The following PANK3 variants were observed in gnomAD, a reference collection of about 807,000 sequenced individuals.
The protein encoded by PANK3 is hPanK3.
Under a neutral mutation model 39.4 loss-of-function variants are expected in PANK3, and 20 were observed. That is an observed-to-expected ratio of 0.51 (90% CI 0.36 to 0.74). The LOEUF is 0.74. PANK3 is among the 30% of genes least tolerant of loss of function. The pLI is 0.00. For missense variants in PANK3, 265 were observed against 437.0 expected (o/e 0.61, Z 3.51); for synonymous variants, 140 against 157.3 (o/e 0.89, Z 0.82).
intron 2 of PANK3, among the ~76,000 whole-genome samples, chr5:168,566,667 A>G (rs1759540661): frequency 6.6e-6 from 1 of 152,322 alleles, no homozygotes; most frequent in Admixed American, 6.5e-5. Context: ...AGAGAATAAC[A>G]AAGTTATTTT....
intron 1 of PANK3, among the ~76,000 whole-genome samples, chr5:168,572,982 T>C (rs1759667560): frequency 6.6e-6 from 1 of 152,030 alleles, no homozygotes; most frequent in Non-Finnish European, 1.5e-5. Flanking sequence ...TTGTATAGAA[T>C]GATTGGTGAT....
rs1759266317 is a variant in PANK3 at position 168,551,055 on chromosome 5, T to G, written c.*6516A>C. On this transcript the variant is annotated 3_prime_UTR_variant, in exon 7 of 7. Coordinates refer to ENST00000239231, the MANE Select transcript of PANK3 (RefSeq NM_024594.4). ...GGGATGATTGATTTTCACACCACCA[T>G]TATCGTGAATGGGCTATCCAAATAC... 6.6e-6 allele frequency: 1 copy of G among 152,190 alleles called. No individual in the cohort carries two copies. The highest frequency in any genetic ancestry group is 1.5e-5 in the Non-Finnish European group (1 of 68,020). 9.4% of individuals were successfully genotyped at this position (152,190 alleles called of 1,614,324 possible).
rs1759230244 is a variant in PANK3 at position 168,548,704 on chromosome 5, G to C, written c.*8867C>G. The C allele has an allele frequency of 6.6e-6, 1 of 152,158 alleles. No homozygotes were observed. Among genetic ancestry groups the C allele is most frequent in the African/African-American group, 2.4e-5 (1 of 41,440 alleles). 9.4% of individuals were successfully genotyped at this position (152,158 alleles called of 1,614,324 possible). A position where few individuals can be genotyped will look rare whatever the true frequency, so the allele number is the denominator to read the frequency against. ...GCATTAAGGAAAAGAATACGGGAAT[G>C]TTTACAGAATGCGCCATGGCAAACA... On this transcript the variant is annotated 3_prime_UTR_variant, in exon 7 of 7. Coordinates refer to ENST00000239231, the MANE Select transcript of PANK3 (RefSeq NM_024594.4).
At chr5:168,572,345 C>G (rs1403249030) in intron 1 of PANK3, among the ~76,000 whole-genome samples, 1 of 150,758 alleles carries the variant, frequency 6.6e-6, no homozygotes, top group African/African-American at 2.4e-5. Flanking sequence ...ATCTCCTAAC[C>G]TTGTGTGTGT....
At chr5:168,567,929 C>A (rs539315589) in intron 2 of PANK3, among the ~76,000 whole-genome samples, 2 of 152,288 alleles carry the variant, frequency 1.3e-5, no homozygotes, top group Middle Eastern at 3.4e-3. Context: ...AAATTATTCA[C>A]ATTTACATTT....
chr5:168,570,366 C>T (rs1378597074), intron 1 of PANK3, among the ~76,000 whole-genome samples: 9 of 138,432 alleles, frequency 6.5e-5, no homozygotes, highest in South Asian at 2.3e-4. Context: ...GCCTGGGCGA[C>T]GGAGCAAGAC....
intron 4 of PANK3, among the ~76,000 whole-genome samples, chr5:168,563,563 G>A (rs1221942615): frequency 1.3e-5 from 2 of 150,914 alleles, no homozygotes; most frequent in Non-Finnish European, 2.9e-5. Context: ...TTTCTATATG[G>A]ATACTTTAGA....
At chr5:168,563,860 A>G (rs751460112) in intron 4 of PANK3, 29 bp downstream of exon 4, 1 of 1,542,292 alleles carries the variant, frequency 6.5e-7, no homozygotes, top group Admixed American at 2.1e-5. Flanking sequence ...TAACTTCTGT[A>G]ACTTAAATAA....
rs1481124852 is a variant in PANK3, at chr5:168,554,077, C to T, written c.*3494G>A. The T allele has an allele frequency of 1.3e-5, 2 of 152,092 alleles. No individual in the cohort carries two copies. The highest frequency in any genetic ancestry group is 2.4e-5 in the African/African-American group (1 of 41,414). 9.4% of individuals were successfully genotyped at this position (152,092 alleles called of 1,614,324 possible). On this transcript the variant is annotated 3_prime_UTR_variant, in exon 7 of 7. Coordinates refer to ENST00000239231, the MANE Select transcript of PANK3 (RefSeq NM_024594.4). ...TTTAGTAAACAAAAGCATAATAGTT[C>T]CAAAATTTGTAAAGCCTTTTACCTG...
intron 1 of PANK3, among the ~76,000 whole-genome samples, chr5:168,571,156 T>A (rs1759624166): frequency 6.6e-6 from 1 of 152,194 alleles, no homozygotes; most frequent in South Asian, 2.1e-4. Context: ...AATTCAGTTT[T>A]ACAACGTGAT....
chr5:168,566,367 G>A (rs1468946369), intron 2 of PANK3, 101 bp from the exon 3 acceptor site: 1 of 1,270,100 alleles, frequency 7.9e-7, no homozygotes. Flanking sequence ...AATGGTCTAT[G>A]ACCCCCACAT....
In PANK3 at chr5:168,557,087, T is replaced by C. The variant is rs111553151; in HGVS notation, c.*484A>G. ...AAAAAACCTACAATAATTAGTAGTATTGCCTTAACATTTCTAAAATCACAT... is the reference window on the plus strand; with the variant it reads ...AAAAAACCTACAATAATTAGTAGTACTGCCTTAACATTTCTAAAATCACAT... On this transcript the variant is annotated 3_prime_UTR_variant, in exon 7 of 7. Coordinates refer to ENST00000239231, the MANE Select transcript of PANK3 (RefSeq NM_024594.4). 2.6e-5 allele frequency: 4 copies of C among 153,570 alleles called. No homozygotes were observed. Among genetic ancestry groups the C allele is most frequent in the African/African-American group, 9.6e-5 (4 of 41,586 alleles). The allele number at this position is 153,570 out of a possible 1,614,324, so 9.5% of individuals were successfully genotyped here. A position where few individuals can be genotyped will look rare whatever the true frequency, so the allele number is the denominator to read the frequency against.
intron 1 of PANK3, among the ~76,000 whole-genome samples, chr5:168,576,874 ATAT>A (rs534672874): frequency 3.5e-4 from 52 of 150,382 alleles, no homozygotes; most frequent in Admixed American, 1.3e-3. Flanking sequence ...AATAATATTA[ATAT>A]TATTATTATT....
chr5:168,573,052 T>C (rs917252919), intron 1 of PANK3, among the ~76,000 whole-genome samples: 1 of 152,158 alleles, frequency 6.6e-6, no homozygotes, highest in Non-Finnish European at 1.5e-5. Flanking sequence ...GGTCCAAATC[T>C]AGCCTACTAG....
At position 168,557,442 on chromosome 5, in the gene PANK3, T is replaced by C. The variant is rs887676061; in HGVS notation, c.*129A>G. The C allele has an allele frequency of 1.9e-4, 142 of 767,412 alleles. No individual in the cohort carries two copies. Among genetic ancestry groups the C allele is most frequent in the Non-Finnish European group, 2.7e-4 (127 of 468,248 alleles). The allele number at this position is 767,412 out of a possible 1,614,324, so 47.5% of individuals were successfully genotyped here. On this transcript the variant is annotated 3_prime_UTR_variant, in exon 7 of 7. Transcript: ENST00000239231. ...CGTTACCAAGTTCTCTCCTTTAATA[T>C]GGCAACATTCAGCAGCTTATGCTAC... is the stretch of plus-strand genomic sequence containing the variant.
At chr5:168,570,003 T>A (rs976348212) in intron 1 of PANK3, among the ~76,000 whole-genome samples, 5 of 152,106 alleles carry the variant, frequency 3.3e-5, no homozygotes, top group African/African-American at 1.2e-4. Flanking sequence ...TGAGCCATGT[T>A]TGCACCACTA....
At chr5:168,565,956 A>T (rs1358036468) in intron 3 of PANK3, 57 bp downstream of exon 3, 3 of 1,510,564 alleles carry the variant, frequency 2.0e-6, no homozygotes, top group South Asian at 2.6e-5. Flanking sequence ...TACTGATTTC[A>T]TAACTTCTGT....
At chr5:168,567,970 C>CA (rs1180736394) in intron 2 of PANK3, among the ~76,000 whole-genome samples, 2 of 152,170 alleles carry the variant, frequency 1.3e-5, no homozygotes, top group Non-Finnish European at 1.5e-5. Context: ...TGGTCCTAAA[C>CA]AGAGCCATTC....
In PANK3 at chr5:168,554,024, T is replaced by TAC. The variant is rs1561837873; in HGVS notation, c.*3545_*3546dup. ...GAAACTTTGTGGGAGTCTGAGGCAA[T>TAC]ACTGCAGAATTACTAAAAGGATCAG... On this transcript the variant is annotated 3_prime_UTR_variant, in exon 7 of 7. Transcript: ENST00000239231. 6.6e-6 allele frequency: 1 copy of TAC among 152,236 alleles called. No individual in the cohort carries two copies. The highest frequency in any genetic ancestry group is 1.9e-4 in the East Asian group (1 of 5,206). The allele number at this position is 152,236 out of a possible 1,614,324, so 9.4% of individuals were successfully genotyped here. A position where few individuals can be genotyped will look rare whatever the true frequency, so the allele number is the denominator to read the frequency against.
Sources: gnomAD v4.1 joint callset for allele counts (sites outside exome capture counted in the v4.1 genomes callset) on GRCh38, gnomAD v4.1.1 for gene constraint, MANE v1.5 for transcripts, NCBI Gene and HGNC (gene_info 2026-07-23, HGNC 2026-07-21) for gene names.